Variants in KCNJ15 observed in about 807,000 individuals in gnomAD.
The protein encoded by KCNJ15 is ATP-sensitive inward rectifier potassium channel 15.
In KCNJ15, 14 loss-of-function variants were observed where a neutral mutation model predicts 23.0. The observed-to-expected ratio is 0.61, with a 90% CI of 0.40 to 0.95. The LOEUF (loss-of-function observed/expected upper bound fraction) is 0.95. Ranked by LOEUF, KCNJ15 falls within the 40% of genes least tolerant of loss-of-function variation. KCNJ15 has a pLI of 0.00. For synonymous variants in KCNJ15, 185 were observed against 183.2 expected, an observed-to-expected ratio of 1.01 and a Z score of -0.08; for missense variants, 388 against 461.8, an observed-to-expected ratio of 0.84 and a Z score of 1.46.
At chr21:38,241,168 T>G (rs1978967471) in intron 1 of KCNJ15, among the ~76,000 whole-genome samples, 1 of 152,214 alleles carries the variant, frequency 6.6e-6, no homozygotes, top group South Asian at 2.1e-4. Flanking sequence ...TAATCAGTTC[T>G]TTACTGTGGT....
intron 1 of KCNJ15, among the ~76,000 whole-genome samples, chr21:38,240,708 A>G (rs1978939002): frequency 6.6e-6 from 1 of 152,230 alleles, no homozygotes; most frequent in Non-Finnish European, 1.5e-5. Flanking sequence ...TTTTGACCAA[A>G]TAACACTTGA....
At position 38,284,759 on chromosome 21, in the gene KCNJ15, C is replaced by G. The variant is rs187282078; in HGVS notation, c.-116-12167C>G. On this transcript the variant is annotated intron_variant, in intron 1 of 2. Transcript: ENST00000398938. Reference sequence around the variant, plus strand: ...GCTCTGCCCTTGCTCCTACCTGACACTGCTTCCCTCTCGCCTACTCAATAT... The same window carrying G: ...GCTCTGCCCTTGCTCCTACCTGACAGTGCTTCCCTCTCGCCTACTCAATAT... 7.2e-4 allele frequency among the ~76,000 whole-genome samples: 109 copies of G among 152,332 alleles called. 1 individual carries two copies. The highest frequency in any genetic ancestry group is 6.8e-3 in the Middle Eastern group (2 of 294).
chr21:38,282,536 AT>A (rs1234671338), intron 1 of KCNJ15, among the ~76,000 whole-genome samples: 13 of 152,166 alleles, frequency 8.5e-5, no homozygotes, highest in African/African-American at 2.9e-4. Flanking sequence ...TTTATTTCTA[AT>A]TGAATTGTTC....
At chr21:38,264,865 A>G (rs1462945546) in intron 1 of KCNJ15, among the ~76,000 whole-genome samples, 3 of 152,248 alleles carry the variant, frequency 2.0e-5, no homozygotes, top group Non-Finnish European at 2.9e-5. Context: ...ACAGAGGAGA[A>G]ATAGAAAACA....
At position 38,300,463 on chromosome 21, in the gene KCNJ15, CTGT is replaced by C; in HGVS notation, c.*75_*77del. 3.0e-6 allele frequency: 4 copies of C among 1,353,782 alleles called. No individual in the cohort carries two copies. Among genetic ancestry groups the C allele is most frequent in the Non-Finnish European group, 4.0e-6 (4 of 988,692 alleles). The allele number at this position is 1,353,782 out of a possible 1,614,324, so 83.9% of individuals were successfully genotyped here. A position where few individuals can be genotyped will look rare whatever the true frequency, so the allele number is the denominator to read the frequency against. On this transcript the variant is annotated 3_prime_UTR_variant, in exon 3 of 3. Coordinates refer to ENST00000398938, the MANE Select transcript of KCNJ15 (RefSeq NM_170736.3). ...GAACTCCCTTCAAACACAAAGATTG[CTGT>C]GAAAACGAAAATGTGTAGACGCACT...
At chr21:38,267,763 G>A (rs1774490172) in intron 1 of KCNJ15, among the ~76,000 whole-genome samples, 1 of 152,196 alleles carries the variant, frequency 6.6e-6, no homozygotes, top group Non-Finnish European at 1.5e-5. Flanking sequence ...AGTTCTCAGG[G>A]TCCTGGAAGC....
At chr21:38,253,647 T>C (rs1201044433), upstream of KCNJ15, among the ~76,000 whole-genome samples, 1 of 152,248 alleles carries the variant, frequency 6.6e-6, no homozygotes, top group African/African-American at 2.4e-5. Flanking sequence ...TAAGGTTTTT[T>C]ATGTCTTGAT....
At chr21:38,252,583 T>TC, upstream of KCNJ15, among the ~76,000 whole-genome samples, 1 of 152,176 alleles carries the variant, frequency 6.6e-6, no homozygotes, top group African/African-American at 2.4e-5. Flanking sequence ...TCTCCTGGCA[T>TC]TTTGAGGAAA....
intron 1 of KCNJ15, among the ~76,000 whole-genome samples, chr21:38,263,607 T>C (rs1012777074): frequency 6.6e-6 from 1 of 152,324 alleles, no homozygotes; most frequent in African/African-American, 2.4e-5. Flanking sequence ...ACCACAACTA[T>C]GATTCCCTCC....
At chr21:38,268,319 T>C (rs941517960) in intron 1 of KCNJ15, among the ~76,000 whole-genome samples, 3 of 152,110 alleles carry the variant, frequency 2.0e-5, no homozygotes, top group Admixed American at 2.0e-4. Flanking sequence ...GTTTCAAGTT[T>C]CTTTGGCTGG....
At chr21:38,243,841 G>A (rs1979178363) in intron 1 of KCNJ15, among the ~76,000 whole-genome samples, 1 of 152,216 alleles carries the variant, frequency 6.6e-6, no homozygotes, top group South Asian at 2.1e-4. Context: ...AAAAACAAAT[G>A]ACAGGCTGCA....
At position 38,288,018 on chromosome 21, in the gene KCNJ15, G is replaced by GTTTTTTTT. The variant is rs1395005811; in HGVS notation, c.-116-8901_-116-8900insTTTTTTTT. On this transcript the variant is annotated intron_variant, in intron 1 of 2. Coordinates refer to ENST00000398938, the MANE Select transcript of KCNJ15 (RefSeq NM_170736.3). ...CATTTGTCCCATTGTTAAATAACTT[G>GTTTTTTTT]TTTTTTTCTTTGTTTTTTTTTTTTT... 2.3e-4 allele frequency among the ~76,000 whole-genome samples: 6 copies of GTTTTTTTT among 25,996 alleles called. 1 individual carries two copies. The highest frequency in any genetic ancestry group is 6.2e-4 in the Non-Finnish European group (6 of 9,744). The allele number at this position is 25,996 out of a possible 152,430, so 17.1% of individuals were successfully genotyped here.
chr21:38,295,452 T>C (rs1461099806), intron 1 of KCNJ15, among the ~76,000 whole-genome samples: 1 of 152,218 alleles, frequency 6.6e-6, no homozygotes, highest in Non-Finnish European at 1.5e-5. Context: ...GAACAATTTT[T>C]ATGTTTTACT....
intron 1 of KCNJ15, among the ~76,000 whole-genome samples, chr21:38,248,192 C>A (rs1303768056): frequency 6.6e-6 from 1 of 152,198 alleles, no homozygotes; most frequent in Non-Finnish European, 1.5e-5. Context: ...GGTATAAGCA[C>A]TTCATCAACA....
chr21:38,240,834 T>C (rs1978946015), intron 1 of KCNJ15, among the ~76,000 whole-genome samples: 1 of 152,252 alleles, frequency 6.6e-6, no homozygotes, highest in Non-Finnish European at 1.5e-5. Flanking sequence ...CCTTGGCATT[T>C]AGTCTGTCTT....
chr21:38,289,763 A>G (rs1984386608), intron 1 of KCNJ15, among the ~76,000 whole-genome samples: 1 of 152,166 alleles, frequency 6.6e-6, no homozygotes, highest in African/African-American at 2.4e-5. Flanking sequence ...TGAGCAGTGC[A>G]TTACGGAGGC....
At chr21:38,273,157 T>C (rs180863188) in intron 1 of KCNJ15, among the ~76,000 whole-genome samples, 1 of 152,354 alleles carries the variant, frequency 6.6e-6, no homozygotes, top group East Asian at 1.9e-4. Context: ...ATAGTATTAT[T>C]CAAAAGTCTT....
At chr21:38,273,928 A>G (rs1982367745) in intron 1 of KCNJ15, among the ~76,000 whole-genome samples, 1 of 152,274 alleles carries the variant, frequency 6.6e-6, no homozygotes, top group South Asian at 2.1e-4. Context: ...ACTAGACAGC[A>G]GCGTCAGTAG....
chr21:38,234,443 C>G (rs1471036624), intron 1 of KCNJ15, among the ~76,000 whole-genome samples: 3 of 152,158 alleles, frequency 2.0e-5, no homozygotes, highest in Non-Finnish European at 4.4e-5. Context: ...TCCTGGCCGA[C>G]TAAAGAGAAA....
Sources: gnomAD v4.1 joint callset for allele counts (sites outside exome capture counted in the v4.1 genomes callset) on GRCh38, gnomAD v4.1.1 for gene constraint, MANE v1.5 for transcripts, NCBI Gene and HGNC (gene_info 2026-07-23, HGNC 2026-07-21) for gene names.